The following ARHGAP10 variants were observed in gnomAD, a reference collection of about 807,000 sequenced individuals.
The protein encoded by ARHGAP10 is rho GTPase-activating protein 10.
In ARHGAP10, 87 loss-of-function variants were observed where a neutral mutation model predicts 108.6. The ratio of observed to expected loss-of-function variants is 0.80; its 90% CI spans 0.67 to 0.96. ARHGAP10 has a LOEUF of 0.96. ARHGAP10 is among the 40% of genes least tolerant of loss of function. The pLI is 0.00. For synonymous variants in ARHGAP10, 347 were observed against 341.1 expected (o/e 1.02, Z -0.19); for missense variants, 939 against 954.5 (o/e 0.98, Z 0.21).
At chr4:147,962,542 G>A (rs1202684922) in intron 16 of ARHGAP10, among the ~76,000 whole-genome samples, 1 of 152,218 alleles carries the variant, frequency 6.6e-6, no homozygotes, top group Non-Finnish European at 1.5e-5. Flanking sequence ...ACTCCCAGGT[G>A]TAGTGACGGT....
intron 18 of ARHGAP10, among the ~76,000 whole-genome samples, chr4:147,973,073 T>G (rs995938687): frequency 1.3e-5 from 2 of 152,126 alleles, no homozygotes; most frequent in African/African-American, 4.8e-5. Context: ...ACATTTCTGT[T>G]GAGAGCCAGA....
At chr4:148,003,891 A>C in intron 18 of ARHGAP10, among the ~76,000 whole-genome samples, 1 of 152,114 alleles carries the variant, frequency 6.6e-6, no homozygotes, top group Non-Finnish European at 1.5e-5. Flanking sequence ...CTTTTATCTG[A>C]GTGTAAGCCT....
chr4:147,909,285 C>T (rs1183025125), intron 11 of ARHGAP10, among the ~76,000 whole-genome samples: 3 of 152,196 alleles, frequency 2.0e-5, no homozygotes, highest in Non-Finnish European at 4.4e-5. Context: ...TCAGTGGGTA[C>T]ACCAGCCTCC....
intron 1 of ARHGAP10, among the ~76,000 whole-genome samples, chr4:147,806,112 C>T (rs187847471): frequency 2.4e-4 from 36 of 152,154 alleles, no homozygotes; most frequent in South Asian, 4.2e-4. Flanking sequence ...CACATACTGA[C>T]GGAGCTGAGT....
intron 18 of ARHGAP10, among the ~76,000 whole-genome samples, chr4:147,979,367 C>T (rs765362017): frequency 3.0e-4 from 46 of 152,004 alleles, no homozygotes; most frequent in Admixed American, 5.9e-4. Flanking sequence ...TGTAGGTGTA[C>T]GGCTTTATTT....
chr4:147,745,672 T>A (rs912026987), intron 1 of ARHGAP10, among the ~76,000 whole-genome samples: 3 of 152,104 alleles, frequency 2.0e-5, no homozygotes, highest in African/African-American at 7.2e-5. Flanking sequence ...TTTGTATTTT[T>A]AGTAGAGACG....
At chr4:147,927,041 A>G (rs1175130204) in intron 13 of ARHGAP10, among the ~76,000 whole-genome samples, 1 of 152,230 alleles carries the variant, frequency 6.6e-6, no homozygotes, top group East Asian at 1.9e-4. Flanking sequence ...AGAGAGCAGT[A>G]TACTACAACT....
chr4:148,041,073 T>C (rs968983533), intron 19 of ARHGAP10, among the ~76,000 whole-genome samples: 2 of 152,250 alleles, frequency 1.3e-5, no homozygotes, highest in Non-Finnish European at 2.9e-5. Flanking sequence ...GCCAAATGCA[T>C]GACTGTGAGG....
chr4:147,760,298 G>C (rs551392446), intron 1 of ARHGAP10, among the ~76,000 whole-genome samples: 2 of 152,190 alleles, frequency 1.3e-5, no homozygotes, highest in Non-Finnish European at 1.5e-5. Flanking sequence ...AGGTAAGTGC[G>C]TCGGGTTACA....
At chr4:147,759,937 A>G (rs913585938) in intron 1 of ARHGAP10, among the ~76,000 whole-genome samples, 3 of 151,938 alleles carry the variant, frequency 2.0e-5, no homozygotes, top group Non-Finnish European at 4.4e-5. Flanking sequence ...TTTAGTAGAG[A>G]CGGTGTTTCA....
At chr4:147,792,543 A>G (rs1358541927) in intron 1 of ARHGAP10, among the ~76,000 whole-genome samples, 1 of 152,042 alleles carries the variant, frequency 6.6e-6, no homozygotes, top group Non-Finnish European at 1.5e-5. Flanking sequence ...ATTACCAACA[A>G]CTTCCTGTGC....
chr4:147,895,685 CAAA>C (rs111297537), intron 10 of ARHGAP10, among the ~76,000 whole-genome samples: 5 of 128,806 alleles, frequency 3.9e-5, no homozygotes, highest in Admixed American at 7.9e-5. Context: ...GACCCTGTCT[CAAA>C]AAAAAAAAAA....
rs537370133 is a variant in ARHGAP10 at position 147,797,319 on chromosome 4, C to A, written c.155-25408C>A. On this transcript the variant is annotated intron_variant, in intron 1 of 22. Transcript: ENST00000336498. ...AGGTCTTTACACTGACCCCAGCATG[C>A]CTTCTATGTTCCTCACCCTTCCACT... Among the ~76,000 whole-genome samples the A allele has an allele frequency of 8.5e-5, 13 of 152,254 alleles. No individual in the cohort carries two copies. The East Asian group carries it at 2.5e-3, about 29-fold the overall frequency.
At chr4:147,762,900 A>G (rs1729648928) in intron 1 of ARHGAP10, among the ~76,000 whole-genome samples, 1 of 152,100 alleles carries the variant, frequency 6.6e-6, no homozygotes, top group Non-Finnish European at 1.5e-5. Flanking sequence ...TCATCAGAAC[A>G]TCTGTCGCCC....
intron 1 of ARHGAP10, among the ~76,000 whole-genome samples, chr4:147,803,015 CT>C (rs36037094): frequency 0.12 from 16,946 of 145,980 alleles, 2,723 homozygotes; most frequent in African/African-American, 0.36. Context: ...TTGTTTATTG[CT>C]TTTTTTTTTT....
At chr4:148,032,218 G>T (rs1418377861) in intron 19 of ARHGAP10, among the ~76,000 whole-genome samples, 1 of 151,484 alleles carries the variant, frequency 6.6e-6, no homozygotes, top group Non-Finnish European at 1.5e-5. Context: ...CATTGACTCA[G>T]TGCCTGCGTC....
In ARHGAP10 at chr4:147,998,360, C is replaced by T. The variant is rs181814294; in HGVS notation, c.1717-24903C>T. On this transcript the variant is annotated intron_variant, in intron 18 of 22. Transcript: ENST00000336498. Reference sequence around the variant, plus strand: ...GAGAGAATTTTCAAAGAGCAATCATCTATTCCCCAAAAAGCACCAGAGTCA... The same window carrying T: ...GAGAGAATTTTCAAAGAGCAATCATTTATTCCCCAAAAAGCACCAGAGTCA... Among the ~76,000 whole-genome samples, 14 of 152,316 alleles carry T rather than the reference C, an allele frequency of 9.2e-5. No homozygotes were observed. In the East Asian group the frequency reaches 2.7e-3, roughly 29 times the overall value.
At chr4:147,878,813 G>A (rs1735199655) in intron 8 of ARHGAP10, among the ~76,000 whole-genome samples, 1 of 117,936 alleles carries the variant, frequency 8.5e-6, no homozygotes, top group Non-Finnish European at 1.6e-5. Flanking sequence ...GTCTCGCTCT[G>A]TTGCCCAGGC....
intron 20 of ARHGAP10, among the ~76,000 whole-genome samples, chr4:148,058,045 G>T (rs1428680211): frequency 6.6e-6 from 1 of 152,214 alleles, no homozygotes; most frequent in Non-Finnish European, 1.5e-5. Context: ...ATGTGCTTGC[G>T]TGTGGAGTTC....
Sources: gnomAD v4.1 joint callset for allele counts (sites outside exome capture counted in the v4.1 genomes callset) on GRCh38, gnomAD v4.1.1 for gene constraint, MANE v1.5 for transcripts, NCBI Gene and HGNC (gene_info 2026-07-23, HGNC 2026-07-21) for gene names.